Variants in DLGAP2 observed in about 807,000 individuals in gnomAD.
DLGAP2 encodes disks large-associated protein 2.
In DLGAP2, 26 loss-of-function variants were observed where a neutral mutation model predicts 100.3. The observed-to-expected ratio is 0.26, with a 90% CI of 0.19 to 0.36. The LOEUF (loss-of-function observed/expected upper bound fraction) is 0.36. DLGAP2 is among the 10% of genes least tolerant of loss of function. The pLI is 1.00. For synonymous variants in DLGAP2, 886 were observed against 630.1 expected, an observed-to-expected ratio of 1.41 and a Z score of -6.08; for missense variants, 1,858 against 1,453.2, an observed-to-expected ratio of 1.28 and a Z score of -4.53.
intron 2 of DLGAP2, among the ~76,000 whole-genome samples, chr8:1,039,602 G>C: frequency 8.8e-6 from 1 of 113,216 alleles, no homozygotes; most frequent in South Asian, 3.4e-4. Context: ...GGTCAGCTTG[G>C]TGTGCGTGGT....
chr8:1,210,799 G>A (rs1233722878), intron 2 of DLGAP2, among the ~76,000 whole-genome samples: 1 of 151,536 alleles, frequency 6.6e-6, no homozygotes, highest in African/African-American at 2.4e-5. Flanking sequence ...AGCTCCCCTG[G>A]GCCCCATGTG....
At chr8:1,511,704 T>C (rs1430842788) in intron 4 of DLGAP2, among the ~76,000 whole-genome samples, 2 of 151,314 alleles carry the variant, frequency 1.3e-5, no homozygotes, top group African/African-American at 2.4e-5. Context: ...CCATCTTCCA[T>C]GGACGTAAGT....
chr8:1,271,699 G>A (rs1253528036), intron 3 of DLGAP2, among the ~76,000 whole-genome samples: 2 of 152,228 alleles, frequency 1.3e-5, no homozygotes, highest in East Asian at 3.9e-4. Context: ...GTGTCTGCCA[G>A]GGCTCAGGGG....
At chr8:1,390,339 C>A (rs1585327531) in intron 3 of DLGAP2, among the ~76,000 whole-genome samples, 1 of 141,680 alleles carries the variant, frequency 7.1e-6, no homozygotes, top group African/African-American at 2.4e-5. Context: ...TATGTATGAC[C>A]TTTTAAAACT....
intron 1 of DLGAP2, among the ~76,000 whole-genome samples, chr8:881,666 A>ATGTATATATATATATGTATAT: frequency 7.6e-6 from 1 of 131,046 alleles, no homozygotes. Context: ...CTTGTGGCTG[A>ATGTATATATATATATGTATAT]ACACACACAC....
chr8:752,016 G>A (rs982216691), intron 1 of DLGAP2, among the ~76,000 whole-genome samples: 3 of 152,130 alleles, frequency 2.0e-5, no homozygotes, highest in Non-Finnish European at 4.4e-5. Flanking sequence ...GTGGTCATTT[G>A]CTTCTGGCTT....
At chr8:1,392,157 A>C (rs375500066) in intron 3 of DLGAP2, among the ~76,000 whole-genome samples, 18 of 152,378 alleles carry the variant, frequency 1.2e-4, no homozygotes, top group African/African-American at 4.3e-4. Context: ...GGGTGGGCCT[A>C]GAAAACAAGA....
At chr8:798,017 T>C (rs1227058119) in intron 1 of DLGAP2, among the ~76,000 whole-genome samples, 1 of 152,212 alleles carries the variant, frequency 6.6e-6, no homozygotes, top group African/African-American at 2.4e-5. Flanking sequence ...CCCAAAGTGC[T>C]GGGATTACAG....
At chr8:1,628,562 G>A (rs112101917) in intron 7 of DLGAP2, among the ~76,000 whole-genome samples, 10 of 144,342 alleles carry the variant, frequency 6.9e-5, no homozygotes, top group African/African-American at 1.0e-4. Context: ...GTGGAGCAGG[G>A]ATTAAGAGCT....
intron 12 of DLGAP2, chr8:1,678,938 A>AT (rs1190932695): frequency 6.3e-6 from 2 of 315,172 alleles, no homozygotes; most frequent in Admixed American, 9.8e-5. Context: ...GTTCTCTTGA[A>AT]TTTTGGCAAA....
intron 6 of DLGAP2, among the ~76,000 whole-genome samples, chr8:1,616,837 A>T (rs1043663059): frequency 3.9e-5 from 6 of 152,134 alleles, no homozygotes; most frequent in South Asian, 2.1e-4. Flanking sequence ...TTCGTCATCC[A>T]GGTAATAAGC....
chr8:1,156,254 C>A (rs927182378), intron 2 of DLGAP2, among the ~76,000 whole-genome samples: 1 of 152,160 alleles, frequency 6.6e-6, no homozygotes, highest in Non-Finnish European at 1.5e-5. Context: ...CCGGGTAGGT[C>A]TCCTCCTCCT....
intron 2 of DLGAP2, among the ~76,000 whole-genome samples, chr8:1,001,823 G>T (rs1302436972): frequency 6.6e-6 from 1 of 152,132 alleles, no homozygotes; most frequent in African/African-American, 2.4e-5. Context: ...AAGAAATCTT[G>T]ACACTCAGAA....
intron 6 of DLGAP2, among the ~76,000 whole-genome samples, chr8:1,570,968 G>A (rs1802639345): frequency 7.1e-6 from 1 of 140,730 alleles, no homozygotes; most frequent in Non-Finnish European, 1.5e-5. Context: ...GGAGAGAGGG[G>A]TGAACTGTGG....
chr8:1,501,519 C>T, intron 4 of DLGAP2, 88 bp downstream of exon 4: 1 of 1,269,170 alleles, frequency 7.9e-7, no homozygotes, highest in Admixed American at 2.3e-5. Flanking sequence ...GACCGTCCCA[C>T]AAACACACGT....
At chr8:763,909 G>A (rs1254654835) in intron 1 of DLGAP2, among the ~76,000 whole-genome samples, 1 of 152,220 alleles carries the variant, frequency 6.6e-6, no homozygotes, top group Non-Finnish European at 1.5e-5. Context: ...TAAACAGAAA[G>A]TGACGGCCTC....
At chr8:892,655 C>T (rs1006442713) in intron 1 of DLGAP2, among the ~76,000 whole-genome samples, 6 of 152,168 alleles carry the variant, frequency 3.9e-5, no homozygotes, top group African/African-American at 1.2e-4. Flanking sequence ...CTGGTCTGTT[C>T]CCTGTGCTGG....
At chr8:848,810 C>T (rs1475328295) in intron 1 of DLGAP2, among the ~76,000 whole-genome samples, 6 of 151,066 alleles carry the variant, frequency 4.0e-5, no homozygotes, top group African/African-American at 7.3e-5. Context: ...AGTGTAGGAA[C>T]GTGCCAGGGT....
At chr8:1,512,630 A>C (rs4876080) in intron 4 of DLGAP2, among the ~76,000 whole-genome samples, 99,001 of 151,998 alleles carry the variant, frequency 0.65, 32,730 homozygotes, top group South Asian at 0.81. Flanking sequence ...AAAGCAAACA[A>C]CATGGCAGTT....
Sources: allele counts gnomAD v4.1 joint callset (sites outside exome capture counted in the v4.1 genomes callset), GRCh38; gene constraint gnomAD v4.1.1; transcripts MANE v1.5; gene names NCBI Gene and HGNC (gene_info 2026-07-23, HGNC 2026-07-21).